Variants in GLIS2 observed in about 807,000 individuals in gnomAD.
GLIS2 encodes the protein GLIS family zinc finger 2.
A neutral mutation model predicts 35.6 loss-of-function variants in GLIS2; 14 were observed. The ratio of observed to expected loss-of-function variants is 0.39; its 90% confidence interval spans 0.26 to 0.61. The LOEUF (loss-of-function observed/expected upper bound fraction) is 0.61. GLIS2 is among the 20% of genes least tolerant of loss of function. The probability of loss-of-function intolerance (pLI) is 0.48; values close to 1 mark genes in which losing one functional copy is unlikely to be tolerated. For missense variants in GLIS2, 675 were observed against 713.4 expected, an observed-to-expected ratio of 0.95 and a Z score of 0.61; for synonymous variants, 368 against 325.1, an observed-to-expected ratio of 1.13 and a Z score of -1.42.
In GLIS2 at chr16:4,333,484, G is replaced by A. The variant is rs1435243736; in HGVS notation, c.310G>A (p.Gly104Ser). Residue 104 changes from glycine (G) to serine (S), a missense_variant, in exon 3 of 7, where the codon GGC becomes AGC. Gly to Ser is a moderately conservative substitution (Grantham distance 56). Coordinates refer to ENST00000433375, the MANE Select transcript of GLIS2 (RefSeq NM_032575.3). ...CAGCTCGCTGTCCCCCGAGCGCCAGGGCAACGGGGACCTGCCTCCAGTGCC... is the reference window on the plus strand; with the variant it reads ...CAGCTCGCTGTCCCCCGAGCGCCAGAGCAACGGGGACCTGCCTCCAGTGCC... ...GSSSLSPERQ[G>S]NGDLPPVPSA... 5.6e-6 allele frequency: 9 copies of A among 1,612,006 alleles called. No homozygotes were observed. The South Asian group carries it at 9.9e-5, about 18-fold the overall frequency.
At chr16:4,326,735 C>T (rs2053433796) in intron 1 of GLIS2, among the ~76,000 whole-genome samples, 1 of 150,474 alleles carries the variant, frequency 6.6e-6, no homozygotes, top group South Asian at 2.1e-4. Context: ...GACCACAGGT[C>T]CCTGCTTCCA....
rs1237503804 is a variant in GLIS2 at position 4,334,966 on chromosome 16, C to T, written c.511C>T (p.Arg171Cys). The change falls in exon 4 of 7, where the codon CGC (arginine) becomes TGC (cysteine). Residue 171 changes from arginine to cysteine, a missense_variant. This residue lies in a region of GLIS2 where 225 missense variants were observed against 238.7 expected (regional missense o/e 0.94). Coordinates refer to ENST00000433375, the MANE Select transcript of GLIS2 (RefSeq NM_032575.3). Reference protein sequence around the residue: ...DLPLPKQLVCRWAKCNQLFEL... With the variant: ...DLPLPKQLVCCWAKCNQLFEL... Reference sequence around the variant, plus strand: ...GCCCCTGCCCAAGCAGCTGGTGTGTCGCTGGGCCAAGGTGAGTGGGGGCCA... The same window carrying T: ...GCCCCTGCCCAAGCAGCTGGTGTGTTGCTGGGCCAAGGTGAGTGGGGGCCA... 3.1e-6 allele frequency: 5 copies of T among 1,613,052 alleles called. No individual in the cohort carries two copies. The highest frequency in any genetic ancestry group is 4.2e-6 in the Non-Finnish European group (5 of 1,180,034).
In GLIS2 at chr16:4,334,906, A is replaced by T; in HGVS notation, c.451A>T (p.Thr151Ser). 1 of 1,611,584 alleles carries T rather than the reference A, an allele frequency of 6.2e-7. No individual in the cohort carries two copies. Among genetic ancestry groups the T allele is most frequent in the Non-Finnish European group, 8.5e-7 (1 of 1,179,700 alleles). Residue 151 changes from threonine to serine, a missense_variant, in exon 4 of 7, where the codon ACC (threonine) becomes TCC (serine). This residue lies in a region of GLIS2 where 225 missense variants were observed against 238.7 expected (regional missense o/e 0.94). Coordinates refer to ENST00000433375, the MANE Select transcript of GLIS2 (RefSeq NM_032575.3). ...GCACCTGCCTGCCTCCTCCTTCCTT[A>T]CCCCTCCCAAGGACAAGTGCCTCTC... ...ALHLPASSFL[T>S]PPKDKCLSPD... is the part of the protein sequence containing the mutation.
chr16:4,336,521 G>C, intron 6 of GLIS2: 1 of 662,808 alleles, frequency 1.5e-6, no homozygotes, highest in South Asian at 1.7e-5. Flanking sequence ...GGCAGAGCTG[G>C]AGTCAACCAG....
At chr16:4,328,676 T>C (rs1230089583) in intron 1 of GLIS2, among the ~76,000 whole-genome samples, 1 of 152,024 alleles carries the variant, frequency 6.6e-6, no homozygotes, top group Non-Finnish European at 1.5e-5. Context: ...TGTGTGGGGG[T>C]GCCCCTGGGG....
At position 4,335,339 on chromosome 16, in the gene GLIS2, A is replaced by C; in HGVS notation, c.721A>C (p.Ser241Arg). ...GAAGCCACACCGCTGTCCGACCTGC[A>C]GCAAGAGCTTCTCCCGCCTGGAGAA... ...NEKPHRCPTCSKSFSRLENLK... is the reference protein window; with the variant it reads ...NEKPHRCPTCRKSFSRLENLK... Residue 241 changes from serine (S) to arginine (R), a missense_variant, in exon 6 of 7, where the codon AGC becomes CGC. By Grantham distance (110) the Ser-to-Arg change is moderately radical. This residue lies in a region of GLIS2 where 133 missense variants were observed against 191.4 expected (regional missense o/e 0.69). Transcript: ENST00000433375. This position sits in a 1 kb window ranked among gnomAD's most constrained non-coding sequence, Gnocchi z 4.6. 6.2e-7 allele frequency: 1 copy of C among 1,613,840 alleles called. No homozygotes were observed. The highest frequency in any genetic ancestry group is 8.5e-7 in the Non-Finnish European group (1 of 1,180,020).
chr16:4,328,592 G>A (rs75667064), intron 1 of GLIS2, among the ~76,000 whole-genome samples: 57 of 152,330 alleles, frequency 3.7e-4, no homozygotes, highest in Non-Finnish European at 6.3e-4. Flanking sequence ...GGGCAGGGAC[G>A]CAGGCCGTGT....
chr16:4,335,248 C>T lies in GLIS2; in HGVS notation c.657-27C>T. 6.2e-7 allele frequency: 1 copy of T among 1,613,606 alleles called. No individual in the cohort carries two copies. The highest frequency in any genetic ancestry group is 8.5e-7 in the Non-Finnish European group (1 of 1,179,976). Reference sequence around the variant, plus strand: ...GGACTGGGGTCTCCAGTGAGCTGAGCCGTGCCCCCCGCCCTCCCTGGAGCA... The same window carrying T: ...GGACTGGGGTCTCCAGTGAGCTGAGTCGTGCCCCCCGCCCTCCCTGGAGCA... On this transcript the variant is annotated intron_variant, in intron 5 of 6. Transcript: ENST00000433375. The surrounding 1 kb of genome is among the most constrained non-coding windows in gnomAD (Gnocchi z 4.6).
At chr16:4,331,800 T>A (rs1367076320) in intron 1 of GLIS2, 2 of 199,356 alleles carry the variant, frequency 1.0e-5, no homozygotes, top group Non-Finnish European at 2.1e-5. Flanking sequence ...TTTTTTTTTT[T>A]AATTAGCCAG....
chr16:4,336,557 G>C, intron 6 of GLIS2, 168 bp from the exon 7 acceptor site: 2 of 733,564 alleles, frequency 2.7e-6, no homozygotes, highest in Non-Finnish European at 4.8e-6. Flanking sequence ...TCTGTGCCCT[G>C]CCTGGGGGCA....
Position 4,332,477 on chromosome 16 carries a change from G to A in GLIS2, c.172+25G>A, listed in dbSNP as rs2053508807. On this transcript the variant is annotated intron_variant, in intron 2 of 6. Coordinates refer to ENST00000433375, the MANE Select transcript of GLIS2 (RefSeq NM_032575.3). The surrounding 1 kb of genome is among the most constrained non-coding windows in gnomAD (Gnocchi z 5.4). ...GGTACTGGCCCTGGGCAGGGCAGGG[G>A]GACTTAGCCCTGATCCAGTCATGGT... 1 of 1,606,754 alleles carries A rather than the reference G, an allele frequency of 6.2e-7. No individual in the cohort carries two copies. Among genetic ancestry groups the A allele is most frequent in the Admixed American group, 1.7e-5 (1 of 59,796 alleles).
intron 1 of GLIS2, chr16:4,324,836 A>G (rs796754242): frequency 2.6e-4 from 39 of 152,380 alleles, no homozygotes; most frequent in African/African-American, 9.4e-4. Context: ...TGAGGCGCAG[A>G]CTGAAGAGAC....
intron 1 of GLIS2, among the ~76,000 whole-genome samples, chr16:4,317,739 C>G (rs915734793): frequency 1.3e-5 from 2 of 152,194 alleles, no homozygotes; most frequent in Non-Finnish European, 2.9e-5. Context: ...CACTGCCCAC[C>G]TCCAGCTCAA....
Position 4,337,142 on chromosome 16 carries a change from T to C in GLIS2, c.1193T>C (p.Met398Thr), listed in dbSNP as rs1189400277. Residue 398 changes from methionine to threonine, a missense_variant, in exon 7 of 7, where the codon ATG becomes ACG. Around this residue, in one of 3 missense-constraint regions of GLIS2, gnomAD observed 317 missense variants for 283.2 expected, o/e 1.12. Coordinates refer to ENST00000433375, the MANE Select transcript of GLIS2 (RefSeq NM_032575.3). ...NGGGSGGGGG[M>T]GPGLPGPVLP... The stretch of plus-strand genomic sequence containing the variant: ...GGGGGCAGTGGGGGTGGGGGGGGCA[T>C]GGGCCCTGGGCTGCCAGGCCCCGTC... 37 of 1,537,216 alleles carry C rather than the reference T, an allele frequency of 2.4e-5. No homozygotes were observed. Among genetic ancestry groups the C allele is most frequent in the East Asian group, 1.7e-4 (7 of 40,906 alleles).
intron 1 of GLIS2, among the ~76,000 whole-genome samples, chr16:4,317,977 C>T (rs1331139182): frequency 6.6e-6 from 1 of 152,176 alleles, no homozygotes; most frequent in African/African-American, 2.4e-5. Context: ...GCTCTTCGGC[C>T]CCTGAGTGAC....
In GLIS2 at chr16:4,333,634, C is replaced by A. The variant is rs1224806575; in HGVS notation, c.345+115C>A. 1.2e-5 allele frequency: 14 copies of A among 1,159,236 alleles called. No individual in the cohort carries two copies. The African/African-American group carries it at 1.4e-4, about 12-fold the overall frequency. The allele number at this position is 1,159,236 out of a possible 1,614,324, so 71.8% of individuals were successfully genotyped here. A position where few individuals can be genotyped will look rare whatever the true frequency, so the allele number is the denominator to read the frequency against. ...AACAGATGTGTTACCCCTCATAATT[C>A]TGGAGGCTGGAGTCTACCTGGAAGG... On this transcript the variant is annotated intron_variant, in intron 3 of 6. Transcript: ENST00000433375.
rs552527106 is a variant in GLIS2 at position 4,329,522 on chromosome 16, G to A, written c.-66-2693G>A. Among the ~76,000 whole-genome samples, 3 of 152,316 alleles carry A rather than the reference G, an allele frequency of 2.0e-5. No individual in the cohort carries two copies. The South Asian group carries it at 6.2e-4, about 32-fold the overall frequency. ...CCCGTGTCAGCCATGTTGGGGTGGG[G>A]TCTGGGGATGTGTCCCTAGAAGCAG... On this transcript the variant is annotated intron_variant, in intron 1 of 6. Coordinates refer to ENST00000433375, the MANE Select transcript of GLIS2 (RefSeq NM_032575.3).
Position 4,332,577 on chromosome 16 carries a change from C to T in GLIS2, c.172+125C>T, listed in dbSNP as rs1437302717. The T allele has an allele frequency of 9.8e-6, 11 of 1,120,694 alleles. No individual in the cohort carries two copies. The highest frequency in any genetic ancestry group is 1.4e-5 in the Non-Finnish European group (11 of 777,944). The allele number at this position is 1,120,694 out of a possible 1,614,324, so 69.4% of individuals were successfully genotyped here. Reference sequence around the variant, plus strand: ...CTCGGCTTCCGGTTCATGGGAAGCCCGCACGCTTGTCCTTCCATCCGCCCA... The same window carrying T: ...CTCGGCTTCCGGTTCATGGGAAGCCTGCACGCTTGTCCTTCCATCCGCCCA... On this transcript the variant is annotated intron_variant, in intron 2 of 6. Coordinates refer to ENST00000433375, the MANE Select transcript of GLIS2 (RefSeq NM_032575.3). This position sits in a 1 kb window ranked among gnomAD's most constrained non-coding sequence, Gnocchi z 5.4.
upstream of GLIS2, among the ~76,000 whole-genome samples, chr16:4,315,953 C>T (rs2141116715): frequency 6.7e-6 from 1 of 148,358 alleles, no homozygotes; most frequent in Non-Finnish European, 1.5e-5. Flanking sequence ...CGCGCCCCTC[C>T]TCCTCGCCCT....
Sources: allele counts gnomAD v4.1 joint callset (sites outside exome capture counted in the v4.1 genomes callset), GRCh38; gene constraint gnomAD v4.1.1; regional missense constraint gnomAD v4.1.1; non-coding constraint Gnocchi (gnomAD v3.1); transcripts MANE v1.5; gene names NCBI Gene and HGNC (gene_info 2026-07-23, HGNC 2026-07-21).